The following HDLBP variants were observed in gnomAD, a reference collection of about 807,000 sequenced individuals.
HDLBP encodes vigilin.
HDLBP carries 30 observed loss-of-function variants against 137.3 expected under a neutral mutation model. That is an observed-to-expected ratio of 0.22 (90% CI 0.16 to 0.30). The LOEUF (loss-of-function observed/expected upper bound fraction) is 0.30, where lower values mean the gene tolerates loss of function less well. HDLBP is among the 10% of genes least tolerant of loss of function. The pLI is 1.00. For synonymous variants in HDLBP, 606 were observed against 596.0 expected, an observed-to-expected ratio of 1.02 and a Z score of -0.24; for missense variants, 1,119 against 1,667.3, an observed-to-expected ratio of 0.67 and a Z score of 5.73.
At chr2:241,281,247 G>C (rs1440862706) in intron 1 of HDLBP, among the ~76,000 whole-genome samples, 1 of 152,112 alleles carries the variant, frequency 6.6e-6, no homozygotes, top group Non-Finnish European at 1.5e-5. Context: ...CCAGCTACTC[G>C]GGAGGCTGAG....
chr2:241,255,803 G>A (rs759783643), intron 7 of HDLBP, among the ~76,000 whole-genome samples: 11 of 152,326 alleles, frequency 7.2e-5, no homozygotes, highest in East Asian at 5.8e-4. Context: ...TGATAACTTC[G>A]TCCTTGAACA....
rs1475883699 is a variant in HDLBP at position 241,233,504 on chromosome 2, C to T, written c.3288+316G>A. Among the ~76,000 whole-genome samples, 2 of 152,074 alleles carry T rather than the reference C, an allele frequency of 1.3e-5. No individual in the cohort carries two copies. The highest frequency in any genetic ancestry group is 1.3e-4 in the Admixed American group (2 of 15,274). On this transcript the variant is annotated intron_variant, in intron 24 of 27. Coordinates refer to ENST00000310931, the MANE Select transcript of HDLBP (RefSeq NM_005336.6). This position sits in a 1 kb window ranked among gnomAD's most constrained non-coding sequence, Gnocchi z 4.3. ...AGCCCTTGGGAGCCTCAGAGAGGCC[C>T]GGGTGACAGGTGAATGAGCTACACC...
intron 7 of HDLBP, among the ~76,000 whole-genome samples, 199 bp from the exon 8 acceptor site, chr2:241,255,779 A>C (rs1157802671): frequency 2.0e-5 from 3 of 152,242 alleles, no homozygotes; most frequent in Non-Finnish European, 4.4e-5. Flanking sequence ...CCCTCAGTCT[A>C]GTCACCCGCC....
At chr2:241,242,940 C>T (rs978854056) in intron 16 of HDLBP, 9 of 531,170 alleles carry the variant, frequency 1.7e-5, no homozygotes, top group South Asian at 4.3e-5. Context: ...CCAGAGTCCT[C>T]GTGAATCTAT....
At position 241,230,879 on chromosome 2, in the gene HDLBP, C is replaced by G. The variant is rs1395935458; in HGVS notation, c.3354G>C (p.Leu1118=). 1.2e-6 allele frequency: 2 copies of G among 1,614,100 alleles called. No homozygotes were observed. Among genetic ancestry groups the G allele is most frequent in the Admixed American group, 1.7e-5 (1 of 60,010 alleles). The change falls in exon 25 of 28, where the codon CTG becomes CTC. Residue 1118 remains leucine, a synonymous_variant. Transcript: ENST00000310931. The surrounding 1 kb of genome is among the most constrained non-coding windows in gnomAD (Gnocchi z 5.0). The part of the protein sequence containing the change: ...KNTEAARDAI[L]RIVGELEQMV... Reference sequence around the variant, plus strand: ...TCTGCTCAAGTTCACCCACAATTCTCAGTATAGCATCCCTGGCAGCTTCTG... The same window carrying G: ...TCTGCTCAAGTTCACCCACAATTCTGAGTATAGCATCCCTGGCAGCTTCTG...
At chr2:241,295,167 A>C (rs1377781052) in intron 1 of HDLBP, among the ~76,000 whole-genome samples, 1 of 152,178 alleles carries the variant, frequency 6.6e-6, no homozygotes, top group Non-Finnish European at 1.5e-5. Flanking sequence ...ATGCCCAAAA[A>C]ACTGATGAAA....
intron 16 of HDLBP, 96 bp downstream of exon 16, chr2:241,246,656 G>C: frequency 8.3e-7 from 1 of 1,212,028 alleles, no homozygotes; most frequent in South Asian, 1.4e-5. Flanking sequence ...AGCCTGCGCT[G>C]GCCCAATGAC....
chr2:241,272,832 G>C lies in HDLBP; in HGVS notation c.-102-4291C>G. 1 of 283,254 alleles carries C rather than the reference G, an allele frequency of 3.5e-6. No homozygotes were observed. The highest frequency in any genetic ancestry group is 5.3e-6 in the Non-Finnish European group (1 of 188,670). The allele number at this position is 283,254 out of a possible 1,614,324, so 17.5% of individuals were successfully genotyped here. On this transcript the variant is annotated intron_variant, in intron 1 of 27. Transcript: ENST00000310931. The surrounding 1 kb of genome is among the most constrained non-coding windows in gnomAD (Gnocchi z 5.6). ...CGCGCGGGAGAAGCCGGGACGCTCC[G>C]AGGCGCGGCGCCCGGGCCCCGGCTG...
intron 1 of HDLBP, among the ~76,000 whole-genome samples, chr2:241,289,468 A>G (rs1475845535): frequency 6.6e-6 from 1 of 152,244 alleles, no homozygotes; most frequent in Non-Finnish European, 1.5e-5. Flanking sequence ...TCCCCACCAA[A>G]GCACAGGTAT....
At position 241,272,564 on chromosome 2, in the gene HDLBP, G is replaced by A; in HGVS notation, c.-102-4023C>T. On this transcript the variant is annotated intron_variant, in intron 1 of 27. Coordinates refer to ENST00000310931, the MANE Select transcript of HDLBP (RefSeq NM_005336.6). This position sits in a 1 kb window ranked among gnomAD's most constrained non-coding sequence, Gnocchi z 5.6. ...TCGGAGCCGGCCCCAGGTCTGGCCCGGAACCGCCACGCGCGGTAAGCAGGA... is the reference window on the plus strand; with the variant it reads ...TCGGAGCCGGCCCCAGGTCTGGCCCAGAACCGCCACGCGCGGTAAGCAGGA... The A allele has an allele frequency of 5.1e-6, 5 of 984,326 alleles. No individual in the cohort carries two copies. The highest frequency in any genetic ancestry group is 4.8e-6 in the Non-Finnish European group (4 of 829,528). The allele number at this position is 984,326 out of a possible 1,614,324, so 61.0% of individuals were successfully genotyped here.
At position 241,239,344 on chromosome 2, in the gene HDLBP, T is replaced by TCTCTC. The variant is rs1209845890; in HGVS notation, c.2610+253_2610+257dup. ...TTTCTCTTGCTTTCTTTCCTCTCTC[T>TCTCTC]CTCTCCCCTCTCCTCTTCTCCTTCT... is the stretch of plus-strand genomic sequence containing the variant. On this transcript the variant is annotated intron_variant, in intron 19 of 27. Coordinates refer to ENST00000310931, the MANE Select transcript of HDLBP (RefSeq NM_005336.6). The surrounding 1 kb of genome is among the most constrained non-coding windows in gnomAD (Gnocchi z 4.6). Among the ~76,000 whole-genome samples, 1 of 152,112 alleles carries TCTCTC rather than the reference T, an allele frequency of 6.6e-6. No individual in the cohort carries two copies. The highest frequency in any genetic ancestry group is 1.5e-5 in the Non-Finnish European group (1 of 68,000).
At chr2:241,269,110 A>G (rs2073885624) in intron 1 of HDLBP, 1 of 152,236 alleles carries the variant, frequency 6.6e-6, no homozygotes, top group South Asian at 2.1e-4. Context: ...GGGGATCTAG[A>G]AACCAGGTCA....
intron 1 of HDLBP, among the ~76,000 whole-genome samples, chr2:241,311,045 T>C (rs377002397): frequency 1.3e-4 from 19 of 151,990 alleles, no homozygotes; most frequent in Admixed American, 7.2e-4. Context: ...GCCCAGGAGA[T>C]TGCAGCTGCA....
intron 11 of HDLBP, among the ~76,000 whole-genome samples, chr2:241,251,974 C>A (rs1327915983): frequency 1.3e-5 from 2 of 151,686 alleles, no homozygotes; most frequent in Non-Finnish European, 2.9e-5. Context: ...AGACTCCGTC[C>A]CAAAAAACAA....
intron 1 of HDLBP, 77 bp from the exon 2 acceptor site, chr2:241,268,618 A>G (rs2073851590): frequency 2.2e-6 from 1 of 450,818 alleles, no homozygotes; most frequent in Non-Finnish European, 2.9e-6. Context: ...TACAACTCAG[A>G]TCTTTTTACC....
chr2:241,229,787 C>CCCCCCCCCCCCCG, intron 27 of HDLBP, 46 bp downstream of exon 27: 1 of 1,137,654 alleles, frequency 8.8e-7, no homozygotes, highest in Non-Finnish European at 1.3e-6. Context: ...CCCGCCTGCC[C>CCCCCCCCCCCCCG]GCCCACCCTC....
Position 241,228,661 on chromosome 2 carries a change from C to G in HDLBP, c.*940G>C, listed in dbSNP as rs753469620. ...AGACGGGTGTGTGGGGTGGCACTAA[C>G]TGCACAGAGACCACTCCACGCCGGC... On this transcript the variant is annotated 3_prime_UTR_variant, in exon 28 of 28. Transcript: ENST00000310931. 6.5e-6 allele frequency: 1 copy of G among 152,738 alleles called. No homozygotes were observed. The highest frequency in any genetic ancestry group is 2.4e-5 in the African/African-American group (1 of 41,446). 9.5% of individuals were successfully genotyped at this position (152,738 alleles called of 1,614,324 possible). A position where few individuals can be genotyped will look rare whatever the true frequency, so the allele number is the denominator to read the frequency against.
Position 241,272,425 on chromosome 2 carries a change from C to T in HDLBP, c.-102-3884G>A. 1.0e-6 allele frequency: 1 copy of T among 984,810 alleles called. No individual in the cohort carries two copies. The highest frequency in any genetic ancestry group is 1.2e-6 in the Non-Finnish European group (1 of 829,724). The allele number at this position is 984,810 out of a possible 1,614,324, so 61.0% of individuals were successfully genotyped here. A position where few individuals can be genotyped will look rare whatever the true frequency, so the allele number is the denominator to read the frequency against. On this transcript the variant is annotated intron_variant, in intron 1 of 27. Transcript: ENST00000310931. The surrounding 1 kb of genome is among the most constrained non-coding windows in gnomAD (Gnocchi z 5.6). ...CGGCACCAGGGGTGCCCCACCGAAG[C>T]CCCGGGAGGAGGCGGGGGAGCCCAG...
At chr2:241,278,067 G>A (rs569897821) in intron 1 of HDLBP, among the ~76,000 whole-genome samples, 1 of 152,304 alleles carries the variant, frequency 6.6e-6, no homozygotes, top group East Asian at 1.9e-4. Context: ...ACAAAGCTAG[G>A]GGGCTTGGAC....
Sources: allele counts gnomAD v4.1 joint callset (sites outside exome capture counted in the v4.1 genomes callset), GRCh38; gene constraint gnomAD v4.1.1; non-coding constraint Gnocchi (gnomAD v3.1); transcripts MANE v1.5; gene names NCBI Gene and HGNC (gene_info 2026-07-23, HGNC 2026-07-21).